Variants in SYT9 observed in about 807,000 individuals in gnomAD.
SYT9 encodes the protein synaptotagmin 9.
Under a neutral mutation model 48.4 loss-of-function variants are expected in SYT9, and 22 were observed. The observed-to-expected ratio is 0.45, with a 90% CI of 0.32 to 0.65. The LOEUF (loss-of-function observed/expected upper bound fraction) is 0.65. Ranked by LOEUF, SYT9 falls within the 30% of genes least tolerant of loss-of-function variation. The pLI, the probability that SYT9 is intolerant of heterozygous loss-of-function variation, is 0.03. For missense variants in SYT9, 577 were observed against 622.0 expected (o/e 0.93, Z 0.77); for synonymous variants, 265 against 245.0 (o/e 1.08, Z -0.76).
chr11:7,459,006 C>G (rs376388951), intron 6 of SYT9, among the ~76,000 whole-genome samples: 3 of 152,182 alleles, frequency 2.0e-5, no homozygotes, highest in Admixed American at 1.3e-4. Context: ...ATGGCAATAA[C>G]AGAGGCTTGG....
At chr11:7,330,668 G>C (rs1402620508) in intron 3 of SYT9, among the ~76,000 whole-genome samples, 4 of 152,114 alleles carry the variant, frequency 2.6e-5, no homozygotes, top group Non-Finnish European at 5.9e-5. Flanking sequence ...TAAACTATAG[G>C]TGTAGAGGTT....
chr11:7,402,763 C>G (rs1024713596), intron 3 of SYT9, among the ~76,000 whole-genome samples: 1 of 152,068 alleles, frequency 6.6e-6, no homozygotes, highest in Non-Finnish European at 1.5e-5. Flanking sequence ...TTGAGTCATG[C>G]TTTGTTATCC....
chr11:7,299,087 T>G (rs923464033), intron 1 of SYT9, among the ~76,000 whole-genome samples: 2 of 152,228 alleles, frequency 1.3e-5, no homozygotes, highest in African/African-American at 4.8e-5. Context: ...ATGTCATATA[T>G]TTTTCAATTT....
intron 3 of SYT9, among the ~76,000 whole-genome samples, chr11:7,376,857 G>T (rs1038033771): frequency 6.6e-6 from 1 of 151,766 alleles, no homozygotes; most frequent in African/African-American, 2.4e-5. Flanking sequence ...ACTGATTTTT[G>T]ACACTGGTGA....
At chr11:7,404,608 A>T (rs1846966068) in intron 3 of SYT9, among the ~76,000 whole-genome samples, 3 of 152,180 alleles carry the variant, frequency 2.0e-5, no homozygotes, top group Admixed American at 2.0e-4. Context: ...AGCTGGGGTT[A>T]TTTGGGTTAA....
At position 7,407,602 on chromosome 11, in the gene SYT9, G is replaced by T. The variant is rs1306429931; in HGVS notation, c.1045-8440G>T. On this transcript the variant is annotated intron_variant, in intron 3 of 6. Transcript: ENST00000318881. The stretch of plus-strand genomic sequence containing the variant: ...TCACCTTGTTAGCCAGGATGGTCTC[G>T]ATCTCCTGACCTCATGATCCACCCG... 5.6e-5 allele frequency among the ~76,000 whole-genome samples: 3 copies of T among 53,298 alleles called. 1 individual carries two copies. Among genetic ancestry groups the T allele is most frequent in the Non-Finnish European group, 1.1e-4 (3 of 27,538 alleles). The allele number at this position is 53,298 out of a possible 152,430, so 35.0% of individuals were successfully genotyped here.
intron 3 of SYT9, among the ~76,000 whole-genome samples, chr11:7,389,402 G>A (rs1850720502): frequency 6.6e-6 from 1 of 152,048 alleles, no homozygotes; most frequent in Non-Finnish European, 1.5e-5. Context: ...TAGTATTAAA[G>A]AATAATTCAC....
intron 2 of SYT9, among the ~76,000 whole-genome samples, chr11:7,313,002 G>A (rs532315975): frequency 4.3e-4 from 65 of 152,114 alleles, no homozygotes; most frequent in Non-Finnish European, 7.6e-4. Flanking sequence ...GCAACACTTG[G>A]CTATTTCAAT....
At chr11:7,430,826 C>G (rs949326283) in intron 6 of SYT9, among the ~76,000 whole-genome samples, 1 of 152,162 alleles carries the variant, frequency 6.6e-6, no homozygotes, top group Non-Finnish European at 1.5e-5. Context: ...CACCAGAAAC[C>G]AAGCAGATGT....
chr11:7,244,100 A>C lies in SYT9; in HGVS notation c.49+5184A>C, dbSNP rs749500902. 2.0e-4 allele frequency among the ~76,000 whole-genome samples: 30 copies of C among 152,340 alleles called. 2 individuals carry two copies. The highest frequency in any genetic ancestry group is 4.0e-4 in the Non-Finnish European group (27 of 68,032). On this transcript the variant is annotated intron_variant and NMD_transcript_variant, in intron 1 of 8. Coordinates refer to the SYT9 transcript ENST00000524820. ...CCACGAGAATCTACTAAGAGACGGCAGAGGAGTGCCAGGCCCTCCGACCTG... is the reference window on the plus strand; with the variant it reads ...CCACGAGAATCTACTAAGAGACGGCCGAGGAGTGCCAGGCCCTCCGACCTG...
chr11:7,408,236 C>G (rs1368069252), intron 3 of SYT9, among the ~76,000 whole-genome samples: 1 of 152,200 alleles, frequency 6.6e-6, no homozygotes, highest in Non-Finnish European at 1.5e-5. Context: ...TCAAGCAATT[C>G]TCCTGCCTCA....
At chr11:7,448,236 C>G in intron 6 of SYT9, among the ~76,000 whole-genome samples, 1 of 152,236 alleles carries the variant, frequency 6.6e-6, no homozygotes. Context: ...GGGAGGCCTT[C>G]TCTCCGAAGG....
intron 3 of SYT9, among the ~76,000 whole-genome samples, chr11:7,405,879 T>C (rs1381122075): frequency 6.6e-6 from 1 of 152,196 alleles, no homozygotes; most frequent in African/African-American, 2.4e-5. Context: ...TCAAGCATTT[T>C]CTCCTTGAGA....
chr11:7,463,574 C>G (rs2134160686), intron 6 of SYT9, among the ~76,000 whole-genome samples: 1 of 152,262 alleles, frequency 6.6e-6, no homozygotes, highest in East Asian at 1.9e-4. Context: ...GCTTGACTTT[C>G]CCTAGAATAA....
intron 1 of SYT9, among the ~76,000 whole-genome samples, chr11:7,293,038 C>A (rs1435160537): frequency 6.6e-6 from 1 of 152,144 alleles, no homozygotes; most frequent in African/African-American, 2.4e-5. Flanking sequence ...AGCTTCAGCA[C>A]CCCTGCCCCA....
chr11:7,261,845 G>C (rs1055207694), intron 1 of SYT9, among the ~76,000 whole-genome samples: 1 of 152,176 alleles, frequency 6.6e-6, no homozygotes, highest in African/African-American at 2.4e-5. Context: ...GATGAGGTCA[G>C]AGAGGTGATG....
intron 6 of SYT9, among the ~76,000 whole-genome samples, chr11:7,462,886 A>T (rs930990773): frequency 2.6e-5 from 4 of 152,092 alleles, no homozygotes; most frequent in Admixed American, 2.0e-4. Flanking sequence ...TCATGTTCTT[A>T]ATTTGGGGTC....
intron 3 of SYT9, among the ~76,000 whole-genome samples, chr11:7,391,735 TAAAA>T (rs71059104): frequency 3.3e-4 from 12 of 35,944 alleles, no homozygotes; most frequent in African/African-American, 5.6e-4. Context: ...ACCCCATCTC[TAAAA>T]AAAAAAAAAA....
chr11:7,239,268 C>T (rs1020514193), intron 1 of SYT9, among the ~76,000 whole-genome samples: 3 of 152,104 alleles, frequency 2.0e-5, no homozygotes, highest in Non-Finnish European at 2.9e-5. Flanking sequence ...AGGGGTGAAC[C>T]GCCAAGATTC....
Sources: gnomAD v4.1 joint callset for allele counts (sites outside exome capture counted in the v4.1 genomes callset) on GRCh38, gnomAD v4.1.1 for gene constraint, MANE v1.5 for transcripts, NCBI Gene and HGNC (gene_info 2026-07-23, HGNC 2026-07-21) for gene names.